CNTLN: variants seen among roughly 807,000 people sequenced by gnomAD.
CNTLN encodes centlein.
CNTLN carries 212 observed loss-of-function variants against 180.0 expected under a neutral mutation model. That is an observed-to-expected ratio of 1.18 (90% CI 1.05 to 1.32). The LOEUF is 1.32. CNTLN is among the 40% of genes most tolerant of loss of function. The probability of loss-of-function intolerance (pLI) is 0.00; values close to 1 mark genes in which losing one functional copy is unlikely to be tolerated. For missense variants in CNTLN, 2,095 were observed against 1,610.9 expected (o/e 1.30, Z -5.14); for synonymous variants, 722 against 563.1 (o/e 1.28, Z -3.99).
At chr9:17,476,842 G>A (rs1222339656) in intron 23 of CNTLN, among the ~76,000 whole-genome samples, 1 of 152,190 alleles carries the variant, frequency 6.6e-6, no homozygotes, top group Non-Finnish European at 1.5e-5. Context: ...AAAGATCTAG[G>A]TAAGATAACT....
At chr9:17,427,482 G>C (rs1829163821) in intron 18 of CNTLN, among the ~76,000 whole-genome samples, 1 of 152,000 alleles carries the variant, frequency 6.6e-6, no homozygotes, top group Non-Finnish European at 1.5e-5. Context: ...AATTTCATGA[G>C]TAAAGAGTAC....
intron 18 of CNTLN, among the ~76,000 whole-genome samples, chr9:17,436,947 T>G (rs983977523): frequency 6.6e-6 from 1 of 152,250 alleles, no homozygotes; most frequent in Non-Finnish European, 1.5e-5. Context: ...ATTCATTTTA[T>G]ATACGTCAGA....
At chr9:17,340,650 A>C (rs1311138222) in intron 10 of CNTLN, among the ~76,000 whole-genome samples, 177 bp from the exon 11 acceptor site, 1 of 152,210 alleles carries the variant, frequency 6.6e-6, no homozygotes, top group Non-Finnish European at 1.5e-5. Flanking sequence ...TTATCAAGCA[A>C]ATGTATTCTG....
the CNTLN span, among the ~76,000 whole-genome samples, chr9:17,512,603 A>C: frequency 6.6e-6 from 1 of 150,678 alleles, no homozygotes; most frequent in African/African-American, 2.4e-5. Context: ...TACATAGTAC[A>C]TCCATGTAAC....
chr9:17,348,387 T>C (rs1822085537), intron 12 of CNTLN, among the ~76,000 whole-genome samples: 1 of 152,194 alleles, frequency 6.6e-6, no homozygotes, highest in Non-Finnish European at 1.5e-5. Flanking sequence ...GTCACGTCAA[T>C]ACTACTAGGA....
chr9:17,218,995 C>T (rs1823948965), intron 2 of CNTLN, among the ~76,000 whole-genome samples: 1 of 152,002 alleles, frequency 6.6e-6, no homozygotes, highest in African/African-American at 2.4e-5. Context: ...TGAAAGTTAG[C>T]GTGGTAATTC....
intron 5 of CNTLN, among the ~76,000 whole-genome samples, chr9:17,251,862 C>T (rs1489873009): frequency 1.3e-5 from 2 of 151,720 alleles, no homozygotes; most frequent in Non-Finnish European, 3.0e-5. Context: ...ATATTAGTTC[C>T]AATAACCAAC....
In CNTLN at chr9:17,359,736, A is replaced by AAAAAAAAC. The variant is rs1564027305; in HGVS notation, c.1887-6874_1887-6873insCAAAAAAA. On this transcript the variant is annotated intron_variant, in intron 12 of 25. Transcript: ENST00000380647. ...CTATACTAAAAATACAAAAAAAAAA[A>AAAAAAAAC]AAAAAAAAAAAAAACTAGCTGGGTG... Among the ~76,000 whole-genome samples the AAAAAAAAC allele has an allele frequency of 7.2e-4, 81 of 112,546 alleles. 2 individuals carry two copies. The highest frequency in any genetic ancestry group is 2.6e-3 in the African/African-American group (75 of 29,160). 73.8% of individuals were successfully genotyped at this position (112,546 alleles called of 152,430 possible).
At chr9:17,217,477 A>G (rs923320085) in intron 2 of CNTLN, among the ~76,000 whole-genome samples, 2 of 152,366 alleles carry the variant, frequency 1.3e-5, no homozygotes, top group South Asian at 4.1e-4. Context: ...TGTTGTACCA[A>G]CTGGATGGCT....
chr9:17,242,378 T>C (rs1825548181), intron 5 of CNTLN, among the ~76,000 whole-genome samples: 1 of 152,104 alleles, frequency 6.6e-6, no homozygotes, highest in African/African-American at 2.4e-5. Context: ...GGCACGATCT[T>C]GGCTCACTGC....
chr9:17,456,291 C>A (rs1285427447), intron 18 of CNTLN, among the ~76,000 whole-genome samples: 5 of 152,178 alleles, frequency 3.3e-5, no homozygotes, highest in African/African-American at 9.6e-5. Flanking sequence ...GAACAAATTT[C>A]ATGGAACAAA....
At chr9:17,497,895 T>G (rs1484492977) in intron 25 of CNTLN, among the ~76,000 whole-genome samples, 2 of 152,178 alleles carry the variant, frequency 1.3e-5, no homozygotes, top group Non-Finnish European at 2.9e-5. Context: ...TGTATATATA[T>G]GTATGTAAAT....
chr9:17,135,233 C>A lies in CNTLN; in HGVS notation c.168C>A (p.Ile56=). 6.2e-7 allele frequency: 1 copy of A among 1,609,480 alleles called. No homozygotes were observed. Among genetic ancestry groups the A allele is most frequent in the Non-Finnish European group, 8.5e-7 (1 of 1,178,314 alleles). The change falls in exon 1 of 26, where the codon ATC becomes ATA. Residue 56 remains isoleucine (I), a synonymous_variant. Transcript: ENST00000380647. ...REVVADESDK[I]WVGEEGSGGR... Reference sequence around the variant, plus strand: ...TGGTCGCGGACGAAAGTGATAAAATCTGGGTGGGTGAAGAAGGGTCAGGGG... The same window carrying A: ...TGGTCGCGGACGAAAGTGATAAAATATGGGTGGGTGAAGAAGGGTCAGGGG...
chr9:17,332,861 A>G (rs947678296), intron 10 of CNTLN, 131 bp downstream of exon 10: 59 of 476,242 alleles, frequency 1.2e-4, no homozygotes, highest in Admixed American at 1.1e-3. Flanking sequence ...AAAGTGTATA[A>G]TCAGTTCATC....
the CNTLN span, among the ~76,000 whole-genome samples, chr9:17,511,672 G>GCA: frequency 9.8e-6 from 1 of 101,706 alleles, no homozygotes; most frequent in Non-Finnish European, 2.2e-5. Context: ...ACACACACAC[G>GCA]CACACGTGCA....
At chr9:17,486,685 G>T (rs4961567) in intron 24 of CNTLN, among the ~76,000 whole-genome samples, 64,860 of 151,882 alleles carry the variant, frequency 0.43, 16,322 homozygotes, top group Middle Eastern at 0.59. Context: ...AACTCCATCT[G>T]ATTTTTCACT....
chr9:17,217,792 TAA>T (rs1472030510), intron 2 of CNTLN, among the ~76,000 whole-genome samples: 1 of 152,314 alleles, frequency 6.6e-6, no homozygotes, highest in Non-Finnish European at 1.5e-5. Flanking sequence ...GACAAATAGT[TAA>T]AAGAGATGAA....
At chr9:17,399,294 C>T (rs547661167) in intron 15 of CNTLN, among the ~76,000 whole-genome samples, 3 of 152,118 alleles carry the variant, frequency 2.0e-5, no homozygotes, top group Admixed American at 1.3e-4. Flanking sequence ...CAAATGAGAA[C>T]TTAGAGGGAA....
chr9:17,330,543 A>C (rs551774703), intron 8 of CNTLN, 89 bp from the exon 9 acceptor site: 2 of 701,854 alleles, frequency 2.8e-6, no homozygotes, highest in Non-Finnish European at 4.3e-6. Flanking sequence ...TACAATTTCT[A>C]TAATATAGTG....
Sources: allele counts gnomAD v4.1 joint callset (sites outside exome capture counted in the v4.1 genomes callset), GRCh38; gene constraint gnomAD v4.1.1; transcripts MANE v1.5; gene names NCBI Gene and HGNC (gene_info 2026-07-23, HGNC 2026-07-21).